The following SYNJ1 variants were observed in gnomAD, a reference collection of about 807,000 sequenced individuals.
SYNJ1 encodes polyphosphatidylinositol phosphatase SYNJ1.
A neutral mutation model predicts 168.2 loss-of-function variants in SYNJ1; 78 were observed. That is an observed-to-expected ratio of 0.46 (90% CI 0.39 to 0.56). The LOEUF (loss-of-function observed/expected upper bound fraction) is 0.56, where lower values mean the gene tolerates loss of function less well. Among genes scored for constraint, SYNJ1 ranks in the 20% least tolerant of loss-of-function variants. SYNJ1 has a pLI of 0.00. For synonymous variants in SYNJ1, 539 were observed against 548.6 expected (o/e 0.98, Z 0.24); for missense variants, 1,303 against 1,597.6 (o/e 0.82, Z 3.14).
chr21:32,705,147 CAAA>C (rs113065510), intron 2 of SYNJ1, among the ~76,000 whole-genome samples: 3 of 66,712 alleles, frequency 4.5e-5, no homozygotes, highest in Non-Finnish European at 9.4e-5. Context: ...GACTCTGTCT[CAAA>C]AAAAAAAAAA....
intron 23 of SYNJ1, among the ~76,000 whole-genome samples, chr21:32,649,753 T>C (rs1181690857): frequency 6.6e-6 from 1 of 152,196 alleles, no homozygotes; most frequent in African/African-American, 2.4e-5. Context: ...TAAATTTGTT[T>C]TGTTTTGTTT....
intron 2 of SYNJ1, among the ~76,000 whole-genome samples, chr21:32,720,101 T>C (rs2043167160): frequency 6.6e-6 from 1 of 152,002 alleles, no homozygotes; most frequent in Non-Finnish European, 1.5e-5. Flanking sequence ...TAGCTGGGCG[T>C]GGTGCCACAT....
intron 1 of SYNJ1, 38 bp from the exon 2 acceptor site, chr21:32,726,955 T>C (rs760607997): frequency 6.2e-7 from 1 of 1,606,598 alleles, no homozygotes; most frequent in South Asian, 1.1e-5. Flanking sequence ...ATGAAGCTGA[T>C]GTTTCCTTCT....
intron 4 of SYNJ1, among the ~76,000 whole-genome samples, chr21:32,696,967 A>C (rs2042234380): frequency 6.6e-6 from 1 of 152,224 alleles, no homozygotes; most frequent in African/African-American, 2.4e-5. Context: ...GCAAAGTTCA[A>C]ACTGGTTGTG....
chr21:32,655,224 A>C (rs566180691), intron 21 of SYNJ1, among the ~76,000 whole-genome samples: 101 of 152,248 alleles, frequency 6.6e-4, no homozygotes, highest in African/African-American at 2.4e-3. Flanking sequence ...TCAGTGCAGT[A>C]TTTTACATTT....
At chr21:32,674,315 T>C (rs1473839126) in intron 13 of SYNJ1, among the ~76,000 whole-genome samples, 1 of 152,266 alleles carries the variant, frequency 6.6e-6, no homozygotes, top group Non-Finnish European at 1.5e-5. Context: ...AAGTCTTTAC[T>C]TTCCAATGAG....
intron 2 of SYNJ1, among the ~76,000 whole-genome samples, chr21:32,718,089 G>C (rs144178624): frequency 2.6e-5 from 4 of 152,164 alleles, no homozygotes; most frequent in Non-Finnish European, 5.9e-5. Flanking sequence ...TCTAGTTCCT[G>C]TTACTCCACT....
At chr21:32,632,882 T>C (rs558777924) in intron 32 of SYNJ1, among the ~76,000 whole-genome samples, 2 of 152,098 alleles carry the variant, frequency 1.3e-5, no homozygotes, top group Admixed American at 1.3e-4. Context: ...TAGCTGGGCA[T>C]GGTGGTGCGC....
At chr21:32,711,365 G>A (rs1016657090) in intron 2 of SYNJ1, among the ~76,000 whole-genome samples, 24 of 146,880 alleles carry the variant, frequency 1.6e-4, no homozygotes, top group African/African-American at 5.3e-4. Flanking sequence ...ATGGAGTCTC[G>A]TTCTGTCGCC....
At chr21:32,676,775 A>G (rs1013356854) in intron 12 of SYNJ1, among the ~76,000 whole-genome samples, 5 of 152,208 alleles carry the variant, frequency 3.3e-5, no homozygotes, top group South Asian at 2.1e-4. Flanking sequence ...TTAGCAGTTG[A>G]TAAGTATAAT....
chr21:32,644,043 A>T (rs758480660), intron 26 of SYNJ1, among the ~76,000 whole-genome samples: 1 of 152,228 alleles, frequency 6.6e-6, no homozygotes, highest in African/African-American at 2.4e-5. Flanking sequence ...CTTTTGACAG[A>T]TTCATTTTAA....
intron 23 of SYNJ1, among the ~76,000 whole-genome samples, chr21:32,648,551 T>C (rs531032266): frequency 1.3e-5 from 2 of 152,352 alleles, no homozygotes; most frequent in South Asian, 4.1e-4. Context: ...TTCTCTTGGC[T>C]CTTTGACATT....
Position 32,700,029 on chromosome 21 carries a change from G to C in SYNJ1, c.288C>G (p.Phe96Leu). The C allele has an allele frequency of 6.2e-7, 1 of 1,614,114 alleles. No individual in the cohort carries two copies. Among genetic ancestry groups the C allele is most frequent in the Non-Finnish European group, 8.5e-7 (1 of 1,180,020 alleles). ...SVGKIQESEV[F>L]RVTSTEFISL... Reference sequence around the variant, plus strand: ...ATATAAACTCAGTGGAAGTAACTCGGAAAACTTCAGATTCTTGAATTTTTC... The same window carrying C: ...ATATAAACTCAGTGGAAGTAACTCGCAAAACTTCAGATTCTTGAATTTTTC... Residue 96 changes from phenylalanine (F) to leucine (L), a missense_variant, in exon 4 of 33, where the codon TTC becomes TTG. By Grantham distance (22) the Phe-to-Leu change is conservative. This residue lies in a region of SYNJ1 where 920 missense variants were observed against 1,208.8 expected (regional missense o/e 0.76). Transcript: ENST00000674351.
intron 7 of SYNJ1, among the ~76,000 whole-genome samples, chr21:32,688,065 T>C (rs1260251502): frequency 6.6e-6 from 1 of 152,036 alleles, no homozygotes; most frequent in Non-Finnish European, 1.5e-5. Flanking sequence ...ATGTGGCTAG[T>C]GGCTGCTATA....
Position 32,679,171 on chromosome 21 carries a change from T to C in SYNJ1, c.1354-370A>G, listed in dbSNP as rs76916928. Reference sequence around the variant, plus strand: ...GTAATTTGTAAACTTGGGGATAAAATGGGTAAGGAGAAATGGGAGATAAAA... The same window carrying C: ...GTAATTTGTAAACTTGGGGATAAAACGGGTAAGGAGAAATGGGAGATAAAA... On this transcript the variant is annotated intron_variant, in intron 11 of 32. Coordinates refer to ENST00000674351, the MANE Select transcript of SYNJ1 (RefSeq NM_203446.3). Among the ~76,000 whole-genome samples the C allele has an allele frequency of 2.0e-5, 3 of 152,102 alleles. No individual in the cohort carries two copies. The East Asian group carries it at 5.8e-4, about 29-fold the overall frequency.
intron 2 of SYNJ1, among the ~76,000 whole-genome samples, chr21:32,715,210 C>T (rs1384792768): frequency 4.6e-5 from 7 of 152,166 alleles, no homozygotes; most frequent in Non-Finnish European, 7.3e-5. Context: ...CGGTGGCTCA[C>T]GCCTGTAACC....
intron 30 of SYNJ1, 51 bp from the exon 31 acceptor site, chr21:32,639,176 T>C (rs574741675): frequency 2.6e-6 from 4 of 1,515,900 alleles, no homozygotes; most frequent in South Asian, 2.5e-5. Flanking sequence ...AAAACCATGT[T>C]TTTTTCCTTC....
At chr21:32,669,535 T>C (rs2041097894) in intron 15 of SYNJ1, among the ~76,000 whole-genome samples, 1 of 152,190 alleles carries the variant, frequency 6.6e-6, no homozygotes, top group African/African-American at 2.4e-5. Context: ...CAATACATGA[T>C]GTTACAAAAT....
chr21:32,668,827 C>A (rs913452932), intron 15 of SYNJ1, among the ~76,000 whole-genome samples: 6 of 152,142 alleles, frequency 3.9e-5, no homozygotes, highest in Non-Finnish European at 8.8e-5. Flanking sequence ...CATGGGGTCA[C>A]AACTATTTTC....
Sources: allele counts gnomAD v4.1 joint callset (sites outside exome capture counted in the v4.1 genomes callset), GRCh38; gene constraint gnomAD v4.1.1; regional missense constraint gnomAD v4.1.1; transcripts MANE v1.5; gene names NCBI Gene and HGNC (gene_info 2026-07-23, HGNC 2026-07-21).